Variants in FRMPD4 observed in about 807,000 individuals in gnomAD.
FRMPD4 encodes the protein FERM and PDZ domain containing 4, also known as FERM and PDZ domain-containing protein 4.
In FRMPD4, 22 loss-of-function variants were observed where a neutral mutation model predicts 94.1. The ratio of observed to expected loss-of-function variants is 0.23; its 90% CI spans 0.17 to 0.33. FRMPD4 has a LOEUF of 0.33. Ranked by LOEUF, FRMPD4 falls within the 10% of genes least tolerant of loss-of-function variation. The pLI is 1.00. For synonymous variants in FRMPD4, 631 were observed against 548.6 expected (o/e 1.15, Z -2.10); for missense variants, 1,111 against 1,339.9 (o/e 0.83, Z 2.67).
At chrX:12,058,588 G>A (rs2054867577) in intron 3 of FRMPD4, among the ~76,000 whole-genome samples, 1 of 111,508 alleles carries the variant, frequency 9.0e-6, no homozygotes, top group Admixed American at 9.5e-5. Flanking sequence ...ATACACACAA[G>A]TGTGCAAGTG....
At chrX:12,500,851 A>G (rs2057912327) in intron 2 of FRMPD4, among the ~76,000 whole-genome samples, 1 of 112,256 alleles carries the variant, frequency 8.9e-6, no homozygotes, top group Non-Finnish European at 1.9e-5. Flanking sequence ...ATTGTGTGCA[A>G]TTGGCTCAGT....
intron 1 of FRMPD4, among the ~76,000 whole-genome samples, chrX:12,485,712 C>A (rs1449140957): frequency 1.8e-5 from 2 of 110,518 alleles, no homozygotes; most frequent in East Asian, 5.7e-4. Context: ...AGTTTGAGAC[C>A]AGCCTGGCCA....
At chrX:12,610,405 G>T in intron 3 of FRMPD4, among the ~76,000 whole-genome samples, 1 of 112,642 alleles carries the variant, frequency 8.9e-6, no homozygotes, top group East Asian at 2.8e-4. Context: ...GGCTTGAGAC[G>T]TGCTTGTGCA....
chrX:12,678,947 T>A (rs2059932811), intron 5 of FRMPD4, among the ~76,000 whole-genome samples: 1 of 112,645 alleles, frequency 8.9e-6, no homozygotes, highest in Admixed American at 9.4e-5. Flanking sequence ...TTCCTTTAGG[T>A]TTCTTCTAGT....
chrX:12,082,783 G>T (rs192107185), intron 3 of FRMPD4, among the ~76,000 whole-genome samples: 1 of 111,572 alleles, frequency 9.0e-6, no homozygotes, highest in Non-Finnish European at 1.9e-5. Flanking sequence ...GATGACTCTT[G>T]CTATGTTTTA....
chrX:12,556,848 AGTTT>A lies in FRMPD4; in HGVS notation c.159-52864_159-52861del, dbSNP rs1025566314. On this transcript the variant is annotated intron_variant, in intron 2 of 16. Coordinates refer to ENST00000675598, the MANE Select transcript of FRMPD4 (RefSeq NM_001368397.1). ...AAATTAATAAGAGAAAGGGTATACA[AGTTT>A]GTTTGTTTATTTGAGACAGTCTCGC... Among the ~76,000 whole-genome samples, 7 of 50,457 alleles carry A rather than the reference AGTTT, an allele frequency of 1.4e-4. No homozygotes were observed. In the South Asian group the frequency reaches 4.0e-3, roughly 29 times the overall value. The allele number at this position is 50,457 out of a possible 115,157, so 43.8% of individuals were successfully genotyped here. A position where few individuals can be genotyped will look rare whatever the true frequency, so the allele number is the denominator to read the frequency against.
At chrX:12,693,649 A>G (rs183878029) in intron 8 of FRMPD4, among the ~76,000 whole-genome samples, 1 of 112,358 alleles carries the variant, frequency 8.9e-6, no homozygotes, top group African/African-American at 3.2e-5. Context: ...GGTTGACACT[A>G]TCATGTTTTC....
At chrX:12,428,994 A>T (rs1173029195) in intron 1 of FRMPD4, among the ~76,000 whole-genome samples, 2 of 110,262 alleles carry the variant, frequency 1.8e-5, no homozygotes, top group African/African-American at 6.9e-5. Context: ...CAGACAGCCA[A>T]CCATTTCTTT....
At chrX:12,073,398 A>G (rs899673047) in intron 3 of FRMPD4, among the ~76,000 whole-genome samples, 1 of 112,225 alleles carries the variant, frequency 8.9e-6, no homozygotes, top group Non-Finnish European at 1.9e-5. Flanking sequence ...CTGTGTGTCC[A>G]TGAAACTAGT....
intron 3 of FRMPD4, among the ~76,000 whole-genome samples, chrX:12,094,017 T>C (rs112688293): frequency 0.025 from 2,826 of 112,305 alleles, 20 homozygotes; most frequent in African/African-American, 0.043. Context: ...AGAAAAGATA[T>C]ATCAAAGACT....
At chrX:12,558,268 T>C (rs1453516961) in intron 2 of FRMPD4, among the ~76,000 whole-genome samples, 1 of 112,847 alleles carries the variant, frequency 8.9e-6, no homozygotes, top group Non-Finnish European at 1.9e-5. Context: ...CATGCAAAAC[T>C]GTCATATGCT....
At chrX:12,275,942 C>T (rs2054428587) in intron 1 of FRMPD4, among the ~76,000 whole-genome samples, 1 of 111,586 alleles carries the variant, frequency 9.0e-6, no homozygotes, top group Admixed American at 9.5e-5. Context: ...CAACTTAGGT[C>T]TCTAGATAGG....
At chrX:12,693,321 C>T (rs73198283) in intron 8 of FRMPD4, among the ~76,000 whole-genome samples, 1,209 of 111,871 alleles carry the variant, frequency 0.011, 15 homozygotes, top group Non-Finnish European at 0.017. Flanking sequence ...TTCTTAGAGT[C>T]CAATGTCTTT....
chrX:12,308,595 C>T (rs1170358994), intron 1 of FRMPD4, among the ~76,000 whole-genome samples: 1 of 111,380 alleles, frequency 9.0e-6, no homozygotes, highest in Non-Finnish European at 1.9e-5. Context: ...GTGCTGGCAG[C>T]AGTTTGGAGT....
At chrX:12,279,744 C>T (rs774958857) in intron 1 of FRMPD4, among the ~76,000 whole-genome samples, 3 of 110,820 alleles carry the variant, frequency 2.7e-5, no homozygotes, top group Admixed American at 9.5e-5. Flanking sequence ...TACATTGTTC[C>T]AGTCTCAATG....
intron 1 of FRMPD4, among the ~76,000 whole-genome samples, chrX:12,274,678 A>G (rs2054405631): frequency 8.9e-6 from 1 of 112,321 alleles, no homozygotes; most frequent in Admixed American, 9.4e-5. Context: ...GGAAGTAAAG[A>G]TGGGTTGGGA....
chrX:12,083,278 C>G (rs1031288191), intron 3 of FRMPD4, among the ~76,000 whole-genome samples: 2 of 113,127 alleles, frequency 1.8e-5, no homozygotes, highest in African/African-American at 6.4e-5. Flanking sequence ...TAATGTAGAG[C>G]TTGGGATGTG....
intron 1 of FRMPD4, among the ~76,000 whole-genome samples, chrX:11,828,551 TGAGA>T (rs1313828406): frequency 1.8e-5 from 2 of 111,119 alleles, no homozygotes; most frequent in Non-Finnish European, 3.8e-5. Context: ...TGTGAGTGAG[TGAGA>T]GAGTGGTTTG....
At chrX:11,989,464 G>A (rs2054451731) in intron 3 of FRMPD4, among the ~76,000 whole-genome samples, 1 of 107,740 alleles carries the variant, frequency 9.3e-6, no homozygotes, top group African/African-American at 3.4e-5. Context: ...GAGAGTAGAA[G>A]GATGGTTACC....
Sources: gnomAD v4.1 joint callset for allele counts (sites outside exome capture counted in the v4.1 genomes callset) on GRCh38, gnomAD v4.1.1 for gene constraint, MANE v1.5 for transcripts, NCBI Gene and HGNC (gene_info 2026-07-23, HGNC 2026-07-21) for gene names.